ARRB1: variants seen among roughly 807,000 people sequenced by gnomAD.
ARRB1 encodes arrestin beta 1, also known as beta-arrestin-1.
A neutral mutation model predicts 56.8 loss-of-function variants in ARRB1; 21 were observed. The ratio of observed to expected loss-of-function variants is 0.37; its 90% CI spans 0.26 to 0.53. ARRB1 has a LOEUF of 0.53. Ranked by LOEUF, ARRB1 falls within the 20% of genes least tolerant of loss-of-function variation. The pLI, the probability that ARRB1 is intolerant of heterozygous loss-of-function variation, is 0.88. For synonymous variants in ARRB1, 210 were observed against 218.6 expected (o/e 0.96, Z 0.35); for missense variants, 424 against 553.7 (o/e 0.77, Z 2.35).
intron 1 of ARRB1, among the ~76,000 whole-genome samples, chr11:75,294,616 TA>T (rs60438442): frequency 6.9e-4 from 20 of 29,150 alleles, no homozygotes; most frequent in East Asian, 1.8e-3. Context: ...TAACTTAAAA[TA>T]TTTTTTTAAT....
At chr11:75,346,206 C>G (rs1317363676) in intron 1 of ARRB1, among the ~76,000 whole-genome samples, 2 of 152,136 alleles carry the variant, frequency 1.3e-5, no homozygotes, top group East Asian at 3.9e-4. Flanking sequence ...CTCCAGCACC[C>G]AGCTCCGGGG....
rs1945854071 is a variant in ARRB1 at position 75,263,919 on chromosome 11, AAG to A, written c.*2242_*2243del. Reference sequence around the variant, plus strand: ...GGGATAGGGGAAGAAGTCTGCAGGAAAGAGGTCATCCCAAACACTAAAGGATC... The same window carrying A: ...GGGATAGGGGAAGAAGTCTGCAGGAAAGGTCATCCCAAACACTAAAGGATC... On this transcript the variant is annotated 3_prime_UTR_variant, in exon 16 of 16. Coordinates refer to ENST00000420843, the MANE Select transcript of ARRB1 (RefSeq NM_004041.5). Among the ~76,000 whole-genome samples the A allele has an allele frequency of 6.6e-6, 1 of 152,204 alleles. No individual in the cohort carries two copies. The highest frequency in any genetic ancestry group is 6.5e-5 in the Admixed American group (1 of 15,280).
At position 75,287,435 on chromosome 11, in the gene ARRB1, G is replaced by A. The variant is rs915221312; in HGVS notation, c.52-60C>T. On this transcript the variant is annotated intron_variant, in intron 2 of 15. Transcript: ENST00000420843. ...GCAGGCCCAGAGGACACAGGACCCT[G>A]TCTTGGAGGAAACCCTGCGGGCAGC... The A allele has an allele frequency of 1.4e-5, 21 of 1,519,768 alleles. No homozygotes were observed. The African/African-American group carries it at 2.4e-4, about 17-fold the overall frequency. 94.1% of individuals were successfully genotyped at this position (1,519,768 alleles called of 1,614,324 possible).
intron 1 of ARRB1, among the ~76,000 whole-genome samples, chr11:75,341,245 C>T (rs986511929): frequency 3.9e-5 from 6 of 152,134 alleles, no homozygotes; most frequent in Non-Finnish European, 7.4e-5. Context: ...CCAAGCAATC[C>T]TCCCACCTCA....
chr11:75,314,604 C>T (rs539103340), intron 1 of ARRB1, among the ~76,000 whole-genome samples: 3 of 150,354 alleles, frequency 2.0e-5, no homozygotes, highest in East Asian at 1.9e-4. Flanking sequence ...TCTCTAACAA[C>T]AGCACGTTTT....
Position 75,269,039 on chromosome 11 carries a change from G to A in ARRB1, c.1023-80C>T, listed in dbSNP as rs572656571. On this transcript the variant is annotated intron_variant, in intron 13 of 15. Transcript: ENST00000420843. ...CTTGATGTCGATGCCCTGTCAGTCC[G>A]AGGACTGCAGAGGGTTTTGCCGTCA... The A allele has an allele frequency of 2.4e-5, 35 of 1,448,264 alleles. No individual in the cohort carries two copies. In the East Asian group the frequency reaches 4.3e-4, roughly 18 times the overall value. The allele number at this position is 1,448,264 out of a possible 1,614,324, so 89.7% of individuals were successfully genotyped here. A position where few individuals can be genotyped will look rare whatever the true frequency, so the allele number is the denominator to read the frequency against.
At chr11:75,277,858 C>T (rs1946234801) in intron 8 of ARRB1, among the ~76,000 whole-genome samples, 1 of 152,232 alleles carries the variant, frequency 6.6e-6, no homozygotes, top group Non-Finnish European at 1.5e-5. Context: ...ACAACAATAA[C>T]ATTGACGATG....
chr11:75,284,889 C>T (rs900527125), intron 3 of ARRB1, among the ~76,000 whole-genome samples: 3 of 137,762 alleles, frequency 2.2e-5, no homozygotes, highest in African/African-American at 5.5e-5. Flanking sequence ...GGCAACAGAG[C>T]GAGACTCTGT....
chr11:75,320,801 A>G (rs1045290040), intron 1 of ARRB1, among the ~76,000 whole-genome samples: 3 of 152,216 alleles, frequency 2.0e-5, no homozygotes, highest in South Asian at 2.1e-4. Context: ...GGAACCCAGA[A>G]GAGGAAGTGC....
chr11:75,272,806 G>A (rs1565105659), intron 12 of ARRB1, 89 bp downstream of exon 12: 10 of 1,331,744 alleles, frequency 7.5e-6, no homozygotes, highest in Non-Finnish European at 1.1e-5. Context: ...TAAAAGGGCT[G>A]CAAACAGGCA....
chr11:75,290,286 A>G (rs1311759324), intron 1 of ARRB1, among the ~76,000 whole-genome samples: 1 of 152,206 alleles, frequency 6.6e-6, no homozygotes, highest in African/African-American at 2.4e-5. Flanking sequence ...TTTGCAGGGC[A>G]GGCTGCGGGA....
intron 1 of ARRB1, among the ~76,000 whole-genome samples, chr11:75,319,694 T>A (rs1217441142): frequency 1.3e-5 from 2 of 152,148 alleles, no homozygotes; most frequent in African/African-American, 2.4e-5. Flanking sequence ...AAGGCCGAGG[T>A]TGGGCTCTGT....
At chr11:75,318,780 C>G (rs1253728518) in intron 1 of ARRB1, among the ~76,000 whole-genome samples, 1 of 152,050 alleles carries the variant, frequency 6.6e-6, no homozygotes, top group Non-Finnish European at 1.5e-5. Flanking sequence ...CCCAACATAA[C>G]TGTTGCATTT....
chr11:75,310,804 C>A (rs1396805937), intron 1 of ARRB1, among the ~76,000 whole-genome samples: 2 of 152,172 alleles, frequency 1.3e-5, no homozygotes, highest in Non-Finnish European at 2.9e-5. Context: ...CTGATTGAGT[C>A]AGTCATGTGG....
chr11:75,301,887 A>AG (rs1946913448), intron 1 of ARRB1, among the ~76,000 whole-genome samples: 1 of 152,056 alleles, frequency 6.6e-6, no homozygotes, highest in East Asian at 1.9e-4. Context: ...ACAGCCCAGG[A>AG]GGGGGAAGGA....
In ARRB1 at chr11:75,264,832, C is replaced by T. The variant is rs116564309; in HGVS notation, c.*1331G>A. 9.4e-3 allele frequency: 1,433 copies of T among 152,354 alleles called. 25 individuals are homozygous for T. Among genetic ancestry groups the T allele is most frequent in the African/African-American group, 0.03 (1,260 of 41,564 alleles). 9.4% of individuals were successfully genotyped at this position (152,354 alleles called of 1,614,324 possible). ...CCAAAGTCACACAGTAAGTTATTCT[C>T]AAAGGCCAGGCAAAGAGGATAACTC... On this transcript the variant is annotated 3_prime_UTR_variant, in exon 16 of 16. Coordinates refer to ENST00000420843, the MANE Select transcript of ARRB1 (RefSeq NM_004041.5).
At chr11:75,335,880 CAAGCTTTATTG>C (rs1947595630) in intron 1 of ARRB1, among the ~76,000 whole-genome samples, 1 of 152,242 alleles carries the variant, frequency 6.6e-6, no homozygotes, top group South Asian at 2.1e-4. Flanking sequence ...GTGAGCAGGG[CAAGCTTTATTG>C]TCCCCCTTTT....
intron 1 of ARRB1, among the ~76,000 whole-genome samples, chr11:75,348,236 AC>A (rs1947801467): frequency 6.6e-6 from 1 of 152,084 alleles, no homozygotes; most frequent in Non-Finnish European, 1.5e-5. Flanking sequence ...CACATTCTGC[AC>A]CCTTGGCCAG....
intron 1 of ARRB1, among the ~76,000 whole-genome samples, chr11:75,310,691 G>A (rs556720368): frequency 2.6e-5 from 4 of 152,296 alleles, no homozygotes; most frequent in South Asian, 4.1e-4. Flanking sequence ...CCCCTGTGCT[G>A]TCTGATTATC....
Sources: gnomAD v4.1 joint callset for allele counts (sites outside exome capture counted in the v4.1 genomes callset) on GRCh38, gnomAD v4.1.1 for gene constraint, MANE v1.5 for transcripts, NCBI Gene and HGNC (gene_info 2026-07-23, HGNC 2026-07-21) for gene names.